PTPRA: variants seen among roughly 807,000 people sequenced by gnomAD.
PTPRA encodes protein tyrosine phosphatase receptor type A, also known as receptor-type tyrosine-protein phosphatase alpha.
PTPRA carries 25 observed loss-of-function variants against 104.8 expected under a neutral mutation model. The observed-to-expected ratio is 0.24, with a 90% CI of 0.17 to 0.33. The LOEUF is 0.33. PTPRA is among the 10% of genes least tolerant of loss of function. PTPRA has a pLI of 1.00. For synonymous variants in PTPRA, 323 were observed against 368.9 expected (o/e 0.88, Z 1.43); for missense variants, 765 against 1,015.3 (o/e 0.75, Z 3.35).
chr20:2,985,682 G>T (rs1224832721), intron 6 of PTPRA, among the ~76,000 whole-genome samples: 3 of 152,212 alleles, frequency 2.0e-5, no homozygotes, highest in Non-Finnish European at 4.4e-5. Context: ...CTGGCAAAAG[G>T]TGACTAAGGG....
chr20:2,973,006 C>T (rs948013116), intron 5 of PTPRA, among the ~76,000 whole-genome samples: 5 of 152,164 alleles, frequency 3.3e-5, no homozygotes, highest in African/African-American at 1.2e-4. Flanking sequence ...AGGTGTGAGC[C>T]ACCACATCTG....
chr20:3,029,994 A>G (rs1215029282), intron 20 of PTPRA, among the ~76,000 whole-genome samples: 1 of 152,084 alleles, frequency 6.6e-6, no homozygotes, highest in Non-Finnish European at 1.5e-5. Flanking sequence ...ATCAGTCGTG[A>G]TGGAACCTGC....
At chr20:2,892,233 T>C (rs2058826820) in intron 1 of PTPRA, among the ~76,000 whole-genome samples, 1 of 139,856 alleles carries the variant, frequency 7.2e-6, no homozygotes. Context: ...AAGGTTGCAG[T>C]GAGCCAAGAT....
intron 3 of PTPRA, among the ~76,000 whole-genome samples, chr20:2,949,019 A>G (rs1025637657): frequency 1.5e-4 from 23 of 151,776 alleles, no homozygotes; most frequent in African/African-American, 5.6e-4. Flanking sequence ...TTTGCCTGTG[A>G]TCTTGCTGCA....
At chr20:3,005,669 A>G (rs1488477366) in intron 10 of PTPRA, among the ~76,000 whole-genome samples, 1 of 152,226 alleles carries the variant, frequency 6.6e-6, no homozygotes, top group African/African-American at 2.4e-5. Flanking sequence ...AGAGTCAATT[A>G]GGATGATCCA....
At position 3,021,416 on chromosome 20, in the gene PTPRA, C is replaced by G; in HGVS notation, c.1149C>G (p.Phe383Leu). Residue 383 changes from phenylalanine to leucine, a missense_variant, in exon 14 of 24, where the codon TTC becomes TTG. Phe to Leu is a conservative substitution (Grantham distance 22, BLOSUM62 0). Coordinates refer to ENST00000399903, the MANE Select transcript of PTPRA (RefSeq NM_001385305.1). ...TGGTGGACTACACAGTACGGAAGTT[C>G]TGCATCCAGCAGGTAGTGTCTCCTC... ...TVLVDYTVRK[F>L]CIQQVGDMTN... The G allele has an allele frequency of 6.2e-7, 1 of 1,614,058 alleles. No individual in the cohort carries two copies. The highest frequency in any genetic ancestry group is 8.5e-7 in the Non-Finnish European group (1 of 1,179,954).
At chr20:2,880,663 A>G (rs1474385705) in intron 1 of PTPRA, among the ~76,000 whole-genome samples, 4 of 152,230 alleles carry the variant, frequency 2.6e-5, no homozygotes, top group Non-Finnish European at 5.9e-5. Flanking sequence ...CAGGAAATTT[A>G]TAAGAAACAT....
At position 2,873,576 on chromosome 20, in the gene PTPRA, C is replaced by G. The variant is rs1301808192; in HGVS notation, c.-313C>G. ...CCGGCCGCTGCCGCCATCACTGTCGCCCGCCCAGTCGCCCCTCAGCCGCTT... is the reference window on the plus strand; with the variant it reads ...CCGGCCGCTGCCGCCATCACTGTCGGCCGCCCAGTCGCCCCTCAGCCGCTT... On this transcript the variant is annotated 5_prime_UTR_variant, in exon 1 of 24. Transcript: ENST00000399903. The surrounding 1 kb of genome is among the most constrained non-coding windows in gnomAD (Gnocchi z 4.4). The G allele has an allele frequency of 6.6e-6, 1 of 151,522 alleles. No homozygotes were observed. Among genetic ancestry groups the G allele is most frequent in the Non-Finnish European group, 1.5e-5 (1 of 67,824 alleles). The allele number at this position is 151,522 out of a possible 1,614,324, so 9.4% of individuals were successfully genotyped here. A position where few individuals can be genotyped will look rare whatever the true frequency, so the allele number is the denominator to read the frequency against.
intron 2 of PTPRA, among the ~76,000 whole-genome samples, chr20:2,936,508 CT>C (rs1331832790): frequency 6.6e-6 from 1 of 151,942 alleles, no homozygotes; most frequent in East Asian, 1.9e-4. Flanking sequence ...GTCACCCAAG[CT>C]GGAGTGCCGT....
intron 1 of PTPRA, among the ~76,000 whole-genome samples, chr20:2,878,308 G>C (rs2089856406): frequency 6.6e-6 from 1 of 152,108 alleles, no homozygotes. Flanking sequence ...TGACCTCCTG[G>C]GCTAAATGAT....
At chr20:2,891,978 G>A (rs2058809989) in intron 1 of PTPRA, among the ~76,000 whole-genome samples, 2 of 152,056 alleles carry the variant, frequency 1.3e-5, no homozygotes, top group African/African-American at 4.8e-5. Context: ...ATCTGTGGAT[G>A]TGCAACCCAC....
chr20:2,866,095 G>A, the PTPRA span: 12 of 845,920 alleles, frequency 1.4e-5, no homozygotes, highest in East Asian at 8.0e-5. Flanking sequence ...ATGTACTGAC[G>A]GGTGTATACA....
intron 9 of PTPRA, among the ~76,000 whole-genome samples, chr20:2,999,802 G>A (rs1273778004): frequency 1.3e-5 from 2 of 152,044 alleles, no homozygotes; most frequent in Non-Finnish European, 2.9e-5. Flanking sequence ...CAGTAGGAAA[G>A]GATTTCTTAA....
intron 1 of PTPRA, among the ~76,000 whole-genome samples, chr20:2,910,245 A>G (rs2059630328): frequency 7.8e-6 from 1 of 128,176 alleles, no homozygotes; most frequent in Non-Finnish European, 1.6e-5. Flanking sequence ...TATATTATAT[A>G]TAATATATAT....
intron 1 of PTPRA, among the ~76,000 whole-genome samples, chr20:2,878,459 C>T (rs2089868820): frequency 6.6e-6 from 1 of 152,248 alleles, no homozygotes; most frequent in African/African-American, 2.4e-5. Context: ...ATCCACCCGC[C>T]TTGGCCTCCC....
intron 2 of PTPRA, among the ~76,000 whole-genome samples, chr20:2,927,680 T>C (rs2060352204): frequency 1.3e-5 from 2 of 152,180 alleles, no homozygotes; most frequent in African/African-American, 4.8e-5. Context: ...CCACTGATCT[T>C]GGATATCAGT....
intron 5 of PTPRA, among the ~76,000 whole-genome samples, chr20:2,973,983 G>A (rs1374059870): frequency 2.8e-5 from 4 of 142,850 alleles, no homozygotes; most frequent in Non-Finnish European, 6.0e-5. Context: ...ATGGAGTCTC[G>A]CTCTGTTGCC....
chr20:2,959,037 TG>T (rs1345798492), intron 3 of PTPRA, among the ~76,000 whole-genome samples: 2 of 151,902 alleles, frequency 1.3e-5, no homozygotes, highest in Non-Finnish European at 2.9e-5. Flanking sequence ...GCATTGTATA[TG>T]GGGGGTCGGG....
At chr20:2,960,167 T>C (rs559733828) in intron 3 of PTPRA, among the ~76,000 whole-genome samples, 242 of 152,214 alleles carry the variant, frequency 1.6e-3, no homozygotes, top group Non-Finnish European at 3.0e-3. Flanking sequence ...TGTAGTATCA[T>C]ACAGAAGAAT....
Sources: allele counts gnomAD v4.1 joint callset (sites outside exome capture counted in the v4.1 genomes callset), GRCh38; gene constraint gnomAD v4.1.1; non-coding constraint Gnocchi (gnomAD v3.1); transcripts MANE v1.5; gene names NCBI Gene and HGNC (gene_info 2026-07-23, HGNC 2026-07-21).